The following NCAM2 variants were observed in gnomAD, a reference collection of about 807,000 sequenced individuals.
NCAM2 encodes the protein neural cell adhesion molecule 2.
A neutral mutation model predicts 98.1 loss-of-function variants in NCAM2; 30 were observed. The ratio of observed to expected loss-of-function variants is 0.31; its 90% CI spans 0.23 to 0.41. NCAM2 has a LOEUF of 0.41. Among genes scored for constraint, NCAM2 ranks in the 10% least tolerant of loss-of-function variants. The probability of loss-of-function intolerance (pLI) is 1.00; values close to 1 mark genes in which losing one functional copy is unlikely to be tolerated. For synonymous variants in NCAM2, 368 were observed against 342.4 expected, an observed-to-expected ratio of 1.07 and a Z score of -0.83; for missense variants, 867 against 1,005.8, an observed-to-expected ratio of 0.86 and a Z score of 1.87.
At chr21:21,168,826 C>T (rs180736367) in intron 1 of NCAM2, among the ~76,000 whole-genome samples, 152 of 152,144 alleles carry the variant, frequency 1.0e-3, no homozygotes, top group African/African-American at 3.5e-3. Context: ...TCTTAGCTTA[C>T]GTGTAGGAAA....
intron 1 of NCAM2, among the ~76,000 whole-genome samples, chr21:21,163,073 T>G (rs1210965523): frequency 6.6e-6 from 1 of 152,146 alleles, no homozygotes; most frequent in Non-Finnish European, 1.5e-5. Context: ...TTCTAAATAC[T>G]AATGTTGAAG....
intron 1 of NCAM2, among the ~76,000 whole-genome samples, chr21:21,057,871 A>C (rs971617069): frequency 6.6e-6 from 1 of 151,912 alleles, no homozygotes. Flanking sequence ...TCTCTATGGG[A>C]TATCCCTCAC....
chr21:21,349,024 G>A (rs1033381659), intron 8 of NCAM2, among the ~76,000 whole-genome samples: 7 of 152,010 alleles, frequency 4.6e-5, no homozygotes, highest in African/African-American at 7.2e-5. Context: ...ACATTGACCT[G>A]GGCATAATTT....
Position 21,042,199 on chromosome 21 carries a change from G to A in NCAM2, c.55+43581G>A, listed in dbSNP as rs942385603. Among the ~76,000 whole-genome samples the A allele has an allele frequency of 2.6e-5, 4 of 152,052 alleles. 1 individual carries two copies. Among genetic ancestry groups the A allele is most frequent in the Admixed American group, 2.0e-4 (3 of 15,264 alleles). On this transcript the variant is annotated intron_variant, in intron 1 of 17. Coordinates refer to ENST00000400546, the MANE Select transcript of NCAM2 (RefSeq NM_004540.5). ...TCTACTTGCTTTCTGGGGTGAGTGA[G>A]GGTTTCTTTCTTTTGCTCATTTTTG... is the stretch of plus-strand genomic sequence containing the variant.
At chr21:21,041,328 T>G (rs1032818168) in intron 1 of NCAM2, among the ~76,000 whole-genome samples, 1 of 152,192 alleles carries the variant, frequency 6.6e-6, no homozygotes, top group African/African-American at 2.4e-5. Flanking sequence ...AGCCGTGTTA[T>G]GCTCTCAACA....
chr21:21,440,694 AAAAG>A (rs1277403191), intron 12 of NCAM2, among the ~76,000 whole-genome samples: 2 of 101,664 alleles, frequency 2.0e-5, no homozygotes, highest in African/African-American at 6.7e-5. Flanking sequence ...AACAACAAAA[AAAAG>A]AAAAGAAAAG....
chr21:21,236,845 C>A (rs1163990537), intron 1 of NCAM2, among the ~76,000 whole-genome samples: 3 of 151,864 alleles, frequency 2.0e-5, no homozygotes, highest in African/African-American at 7.3e-5. Context: ...TCCCTAATAT[C>A]CACAATATCA....
intron 1 of NCAM2, among the ~76,000 whole-genome samples, chr21:21,123,848 C>CTTTGTTTTTTTTTTTTT (rs2066728039): frequency 1.2e-5 from 1 of 86,656 alleles, no homozygotes. Flanking sequence ...TTCTTGATTG[C>CTTTGTTTTTTTTTTTTT]TTTTTTTTTT....
intron 1 of NCAM2, among the ~76,000 whole-genome samples, chr21:21,040,635 C>T (rs533089306): frequency 6.6e-6 from 1 of 151,872 alleles, no homozygotes; most frequent in Non-Finnish European, 1.5e-5. Context: ...TTCACAGCAA[C>T]ATGAATGAGT....
intron 4 of NCAM2, among the ~76,000 whole-genome samples, chr21:21,291,686 G>A (rs1016483412): frequency 1.3e-5 from 2 of 150,572 alleles, no homozygotes; most frequent in Admixed American, 6.6e-5. Flanking sequence ...TTTAATTATT[G>A]TATGAAGAAG....
At chr21:21,345,653 T>C (rs964478776) in intron 8 of NCAM2, among the ~76,000 whole-genome samples, 4 of 152,090 alleles carry the variant, frequency 2.6e-5, no homozygotes, top group African/African-American at 9.7e-5. Context: ...TCAAGAGTTA[T>C]TGTCCTTAAA....
At chr21:21,301,398 A>C (rs1173523698) in intron 5 of NCAM2, among the ~76,000 whole-genome samples, 1 of 135,150 alleles carries the variant, frequency 7.4e-6, no homozygotes, top group Admixed American at 7.4e-5. Context: ...TTTTTTTTTA[A>C]TTATACTTTA....
At chr21:21,284,437 T>G (rs2147517489) in intron 3 of NCAM2, 37 bp downstream of exon 3, 1 of 1,486,520 alleles carries the variant, frequency 6.7e-7, no homozygotes, top group South Asian at 1.2e-5. Flanking sequence ...TTTATTCAAT[T>G]TCAGTTGCTT....
At chr21:21,363,693 A>G (rs1010509812) in intron 8 of NCAM2, among the ~76,000 whole-genome samples, 1 of 152,090 alleles carries the variant, frequency 6.6e-6, no homozygotes, top group Non-Finnish European at 1.5e-5. Flanking sequence ...AAAAGGTATC[A>G]TATAGAAAAT....
intron 5 of NCAM2, among the ~76,000 whole-genome samples, chr21:21,321,779 A>G (rs2074381604): frequency 6.6e-6 from 1 of 152,196 alleles, no homozygotes. Flanking sequence ...ATCTCACACC[A>G]GTCAGAATGA....
At chr21:21,121,959 C>G (rs2066684882) in intron 1 of NCAM2, among the ~76,000 whole-genome samples, 1 of 152,202 alleles carries the variant, frequency 6.6e-6, no homozygotes, top group South Asian at 2.1e-4. Context: ...GTTATTCTAC[C>G]TGTTTCCAAG....
chr21:21,251,744 G>GTGT (rs1555841594), intron 1 of NCAM2, among the ~76,000 whole-genome samples: 1 of 143,542 alleles, frequency 7.0e-6, no homozygotes, highest in Non-Finnish European at 1.5e-5. Context: ...ACTTTTTGAT[G>GTGT]TTTTTTTTTT....
At position 21,071,870 on chromosome 21, in the gene NCAM2, C is replaced by CTAT. The variant is rs2065572823; in HGVS notation, c.55+73252_55+73253insTAT. On this transcript the variant is annotated intron_variant, in intron 1 of 17. Transcript: ENST00000400546. The stretch of plus-strand genomic sequence containing the variant: ...ACTGCCCAATTATTTGTCATGTCTG[C>CTAT]CTATCTATCTATCTATCTATCTATC... Among the ~76,000 whole-genome samples, 686 of 138,170 alleles carry CTAT rather than the reference C, an allele frequency of 5.0e-3. 4 individuals are homozygous for CTAT. Among genetic ancestry groups the CTAT allele is most frequent in the Middle Eastern group, 0.018 (5 of 274 alleles). 90.6% of individuals were successfully genotyped at this position (138,170 alleles called of 152,430 possible). A position where few individuals can be genotyped will look rare whatever the true frequency, so the allele number is the denominator to read the frequency against.
chr21:21,237,780 A>G (rs925873453), intron 1 of NCAM2, among the ~76,000 whole-genome samples: 14 of 152,210 alleles, frequency 9.2e-5, no homozygotes, highest in Admixed American at 1.3e-4. Flanking sequence ...CACAAATTAT[A>G]TAGTATAGTT....
Sources: gnomAD v4.1 joint callset for allele counts (sites outside exome capture counted in the v4.1 genomes callset) on GRCh38, gnomAD v4.1.1 for gene constraint, MANE v1.5 for transcripts, NCBI Gene and HGNC (gene_info 2026-07-23, HGNC 2026-07-21) for gene names.